DENND1A: variants seen among roughly 807,000 people sequenced by gnomAD.
DENND1A encodes the protein DENN domain-containing protein 1A.
In DENND1A, 51 loss-of-function variants were observed where a neutral mutation model predicts 113.7. The observed-to-expected ratio is 0.45, with a 90% confidence interval of 0.36 to 0.57. DENND1A has a LOEUF of 0.57. Ranked by LOEUF, DENND1A falls within the 20% of genes least tolerant of loss-of-function variation. DENND1A has a pLI of 0.00. For synonymous variants in DENND1A, 565 were observed against 570.8 expected (o/e 0.99, Z 0.14); for missense variants, 1,258 against 1,395.9 (o/e 0.90, Z 1.57).
chr9:123,549,263 C>T (rs1002999183), intron 13 of DENND1A, among the ~76,000 whole-genome samples: 1 of 152,100 alleles, frequency 6.6e-6, no homozygotes, highest in African/African-American at 2.4e-5. Flanking sequence ...GGTTTCCTTG[C>T]TTCCTTATCT....
At chr9:123,815,302 T>C (rs1347403777) in intron 2 of DENND1A, among the ~76,000 whole-genome samples, 1 of 152,234 alleles carries the variant, frequency 6.6e-6, no homozygotes, top group East Asian at 1.9e-4. Context: ...CAGGAACCAC[T>C]GACCAGCAGA....
chr9:123,884,463 T>C (rs1043663351), intron 1 of DENND1A, among the ~76,000 whole-genome samples: 1 of 152,146 alleles, frequency 6.6e-6, no homozygotes, highest in Admixed American at 6.5e-5. Context: ...TTATTAATTG[T>C]TTCATTCTCC....
At chr9:123,856,160 T>C (rs1844157131) in intron 2 of DENND1A, among the ~76,000 whole-genome samples, 1 of 152,084 alleles carries the variant, frequency 6.6e-6, no homozygotes, top group Non-Finnish European at 1.5e-5. Flanking sequence ...ATCAAGAAAT[T>C]AGACTTTACT....
chr9:123,583,274 C>A lies in DENND1A; in HGVS notation c.766-4G>T. ...CCAGGGCCATGTTTCTGACTTTCTG[C>A]AAGGAGAAAAAAATCCACAAGAGAA... On this transcript the variant is annotated splice_region_variant and splice_polypyrimidine_tract_variant and intron_variant, in intron 11 of 23. Transcript: ENST00000394215. 1 of 1,606,630 alleles carries A rather than the reference C, an allele frequency of 6.2e-7. No individual in the cohort carries two copies. The highest frequency in any genetic ancestry group is 8.5e-7 in the Non-Finnish European group (1 of 1,176,408).
intron 5 of DENND1A, among the ~76,000 whole-genome samples, chr9:123,679,097 G>C (rs1375955381): frequency 6.6e-6 from 1 of 152,132 alleles, no homozygotes; most frequent in Admixed American, 6.5e-5. Flanking sequence ...GGAGGCAGGG[G>C]GGAAAAGGCA....
At chr9:123,450,646 C>A (rs189412371) in intron 18 of DENND1A, 47 bp downstream of exon 18, 3 of 1,506,618 alleles carry the variant, frequency 2.0e-6, no homozygotes, top group Middle Eastern at 3.4e-4. Context: ...TGTGGCCATG[C>A]ATTTCATACA....
intron 5 of DENND1A, among the ~76,000 whole-genome samples, chr9:123,696,259 T>C (rs989784683): frequency 2.6e-5 from 4 of 152,224 alleles, no homozygotes; most frequent in African/African-American, 9.6e-5. Flanking sequence ...CATGCTATGA[T>C]ACGTTAATAC....
intron 11 of DENND1A, among the ~76,000 whole-genome samples, chr9:123,601,834 C>T (rs1319971897): frequency 6.6e-6 from 1 of 152,136 alleles, no homozygotes; most frequent in East Asian, 1.9e-4. Flanking sequence ...GATAAGTTAA[C>T]CAGGTCCCAG....
intron 10 of DENND1A, among the ~76,000 whole-genome samples, chr9:123,619,515 G>A (rs1178393579): frequency 5.3e-5 from 8 of 152,110 alleles, no homozygotes; most frequent in South Asian, 2.1e-4. Flanking sequence ...AACTCTCCAC[G>A]TTCAGGTGAT....
chr9:123,557,506 C>A, intron 13 of DENND1A, 64 bp downstream of exon 13: 1 of 1,585,112 alleles, frequency 6.3e-7, no homozygotes, highest in Non-Finnish European at 8.6e-7. Context: ...TTTCTTGTGG[C>A]CCCTGAGGTA....
chr9:123,868,165 T>C (rs533055577), intron 2 of DENND1A, among the ~76,000 whole-genome samples: 48 of 152,324 alleles, frequency 3.2e-4, no homozygotes, highest in Non-Finnish European at 6.2e-4. Flanking sequence ...GATGCAATGA[T>C]TGATGTCATT....
intron 13 of DENND1A, among the ~76,000 whole-genome samples, chr9:123,483,671 G>A (rs2050543660): frequency 6.6e-6 from 1 of 152,014 alleles, no homozygotes; most frequent in Non-Finnish European, 1.5e-5. Context: ...CTCCGGCTCT[G>A]CAGTGGGACA....
intron 10 of DENND1A, among the ~76,000 whole-genome samples, chr9:123,628,155 T>C (rs2061323666): frequency 6.6e-6 from 1 of 151,856 alleles, no homozygotes; most frequent in Admixed American, 6.6e-5. Flanking sequence ...TTAATCTCAC[T>C]ATAGATGGCA....
intron 5 of DENND1A, among the ~76,000 whole-genome samples, chr9:123,690,779 G>A (rs533820376): frequency 1.0e-3 from 152 of 152,364 alleles, no homozygotes; most frequent in Non-Finnish European, 1.7e-3. Flanking sequence ...ATTGGTCAGA[G>A]AGAATAGAAT....
chr9:123,831,304 A>C (rs1022189934), intron 2 of DENND1A, among the ~76,000 whole-genome samples: 2 of 152,216 alleles, frequency 1.3e-5, no homozygotes, highest in African/African-American at 4.8e-5. Flanking sequence ...CCTACATTAC[A>C]TAAAGGAATC....
At chr9:123,878,507 T>C (rs957649074) in intron 2 of DENND1A, among the ~76,000 whole-genome samples, 1 of 152,212 alleles carries the variant, frequency 6.6e-6, no homozygotes, top group South Asian at 2.1e-4. Context: ...CCAGCAGACA[T>C]AAAATTTACT....
chr9:123,883,694 C>T (rs1848618383), intron 1 of DENND1A, among the ~76,000 whole-genome samples: 1 of 151,870 alleles, frequency 6.6e-6, no homozygotes, highest in Non-Finnish European at 1.5e-5. Flanking sequence ...AGATAAATTT[C>T]AAAGAAAAAA....
At chr9:123,526,988 T>A (rs570272135) in intron 13 of DENND1A, among the ~76,000 whole-genome samples, 98 of 152,342 alleles carry the variant, frequency 6.4e-4, no homozygotes, top group Non-Finnish European at 1.2e-3. Context: ...AAACTCAACA[T>A]GAATAAGCTT....
intron 13 of DENND1A, among the ~76,000 whole-genome samples, chr9:123,476,030 C>T (rs2049882133): frequency 6.6e-6 from 1 of 152,068 alleles, no homozygotes; most frequent in Admixed American, 6.5e-5. Flanking sequence ...ACCAGAAGTA[C>T]AAAAATTAGC....
Sources: gnomAD v4.1 joint callset for allele counts (sites outside exome capture counted in the v4.1 genomes callset) on GRCh38, gnomAD v4.1.1 for gene constraint, MANE v1.5 for transcripts, NCBI Gene and HGNC (gene_info 2026-07-23, HGNC 2026-07-21) for gene names.